SLC66A1: variants seen among roughly 807,000 people sequenced by gnomAD.
The protein encoded by SLC66A1 is solute carrier family 66 member 1.
Under a neutral mutation model 33.0 loss-of-function variants are expected in SLC66A1, and 23 were observed. The observed-to-expected ratio is 0.70, with a 90% CI of 0.50 to 0.99. The LOEUF (loss-of-function observed/expected upper bound fraction) is 0.99, where lower values mean the gene tolerates loss of function less well. Among genes scored for constraint, SLC66A1 ranks in the 50% least tolerant of loss-of-function variants. The probability of loss-of-function intolerance (pLI) is 0.00; values close to 1 mark genes in which losing one functional copy is unlikely to be tolerated. For missense variants in SLC66A1, 335 were observed against 383.6 expected, an observed-to-expected ratio of 0.87 and a Z score of 1.06; for synonymous variants, 164 against 175.5, an observed-to-expected ratio of 0.93 and a Z score of 0.52.
chr1:19,313,297 C>G, intron 1 of SLC66A1: 1 of 942,564 alleles, frequency 1.1e-6, no homozygotes, highest in Non-Finnish European at 1.3e-6. Flanking sequence ...CCTTTCCTTC[C>G]TCTTCTCTCT....
At chr1:19,319,899 G>A (rs573719815) in intron 2 of SLC66A1, among the ~76,000 whole-genome samples, 15 of 149,280 alleles carry the variant, frequency 1.0e-4, no homozygotes, top group African/African-American at 2.7e-4. Context: ...GAGAGTCTCC[G>A]TCTCTTTTCT....
In SLC66A1 at chr1:19,312,908, A is replaced by G. The variant is rs1352169239; in HGVS notation, c.-79+19A>G. ...GCTTAGGGTAGGTTTCCAAACGTGT[A>G]AATGGAGAGTCTGAGTCTGGAAGTG... On this transcript the variant is annotated intron_variant, in intron 1 of 7. Coordinates refer to ENST00000375153, the MANE Select transcript of SLC66A1 (RefSeq NM_001040125.2). 1 of 152,826 alleles carries G rather than the reference A, an allele frequency of 6.5e-6. No individual in the cohort carries two copies. Among genetic ancestry groups the G allele is most frequent in the African/African-American group, 2.4e-5 (1 of 41,472 alleles). 9.5% of individuals were successfully genotyped at this position (152,826 alleles called of 1,614,324 possible). A position where few individuals can be genotyped will look rare whatever the true frequency, so the allele number is the denominator to read the frequency against.
At chr1:19,320,106 G>T (rs113747701) in intron 2 of SLC66A1, among the ~76,000 whole-genome samples, 2,806 of 151,734 alleles carry the variant, frequency 0.018, 91 homozygotes, top group African/African-American at 0.064. Context: ...TCACCATGTT[G>T]CCCAGGCTGG....
intron 1 of SLC66A1, chr1:19,313,247 C>T: frequency 3.0e-6 from 3 of 985,382 alleles, no homozygotes; most frequent in Non-Finnish European, 3.6e-6. Flanking sequence ...CTCCTCAACC[C>T]TGGGCTGTTC....
At chr1:19,327,726 G>T in intron 7 of SLC66A1, 1 of 527,438 alleles carries the variant, frequency 1.9e-6, no homozygotes. Flanking sequence ...GTGGCACCAA[G>T]TGCTGCAGAG....
intron 2 of SLC66A1, among the ~76,000 whole-genome samples, chr1:19,319,214 G>T (rs1243398292): frequency 1.3e-5 from 2 of 152,222 alleles, no homozygotes; most frequent in Non-Finnish European, 2.9e-5. Context: ...TTGTGTAACT[G>T]TCACCACAAC....
Position 19,327,242 on chromosome 1 carries a change from A to G in SLC66A1, c.634A>G (p.Thr212Ala). The change falls in exon 7 of 8, where the codon ACC becomes GCC. Residue 212 changes from threonine to alanine, a missense_variant. Transcript: ENST00000375153. The stretch of plus-strand genomic sequence containing the variant: ...CCTGCCCCAGTTCCTCCGGAAGTCC[A>G]CCCAGGGGATCTCCTACTCTCTGTT... Reference protein sequence around the residue: ...QIRTNFLRKSTQGISYSLFAL... With the variant: ...QIRTNFLRKSAQGISYSLFAL... The G allele has an allele frequency of 6.2e-7, 1 of 1,613,548 alleles. No homozygotes were observed. The highest frequency in any genetic ancestry group is 1.1e-5 in the South Asian group (1 of 91,060).
chr1:19,332,383 C>A (rs6426791), downstream of SLC66A1, among the ~76,000 whole-genome samples: 6,483 of 152,272 alleles, frequency 0.043, 459 homozygotes, highest in African/African-American at 0.14. Context: ...GCACCTGGCA[C>A]ACAGTAAGTG....
At chr1:19,313,266 A>G (rs1056611005) in intron 1 of SLC66A1, 1 of 984,912 alleles carries the variant, frequency 1.0e-6, no homozygotes, top group Non-Finnish European at 1.2e-6. Context: ...TCGAGCTCAC[A>G]GCTTTCTCCC....
chr1:19,319,622 G>GTTTTTTTTTTTTTTTTTTTT (rs2093824205), intron 2 of SLC66A1, among the ~76,000 whole-genome samples: 9 of 23,344 alleles, frequency 3.9e-4, no homozygotes, highest in African/African-American at 1.8e-3. Flanking sequence ...TTTTTTTTTT[G>GTTTTTTTTTTTTTTTTTTTT]CCTGGTGCAG....
In SLC66A1 at chr1:19,317,603, C is replaced by T. The variant is rs1382369702; in HGVS notation, c.-75C>T. 6.4e-7 allele frequency: 1 copy of T among 1,570,118 alleles called. No individual in the cohort carries two copies. The highest frequency in any genetic ancestry group is 1.8e-5 in the Admixed American group (1 of 55,292). ...CCTCCTCCCTTCCTCCCTGTAGAAC[C>T]CTTGCTGGCCTCAGAACACCAGCGC... On this transcript the variant is annotated 5_prime_UTR_variant, in exon 2 of 8. Coordinates refer to ENST00000375153, the MANE Select transcript of SLC66A1 (RefSeq NM_001040125.2).
chr1:19,327,495 C>G (rs1372762376), intron 7 of SLC66A1, 83 bp downstream of exon 7: 1 of 1,464,224 alleles, frequency 6.8e-7, no homozygotes, highest in African/African-American at 1.4e-5. Context: ...ACTCATCCGT[C>G]TCTTCCTCCC....
intron 2 of SLC66A1, among the ~76,000 whole-genome samples, chr1:19,320,414 T>G (rs1394793804): frequency 1.6e-5 from 1 of 63,470 alleles, no homozygotes; most frequent in African/African-American, 5.6e-5. Context: ...TGGCCTGTCT[T>G]TTTTTTTTTT....
In SLC66A1 at chr1:19,324,796, CT is replaced by C. The variant is rs759090166; in HGVS notation, c.294+35del. 5.8e-5 allele frequency: 93 copies of C among 1,610,854 alleles called. No individual in the cohort carries two copies. The South Asian group carries it at 6.6e-4, about 11-fold the overall frequency. ...GTACCCGGGCAAGGTGGCGCTACCC[CT>C]AACCCTGCTTCACCCTGCAGGGTTG... On this transcript the variant is annotated intron_variant, in intron 3 of 7. Transcript: ENST00000375153.
chr1:19,323,685 G>A (rs1027037704), intron 2 of SLC66A1, among the ~76,000 whole-genome samples: 1 of 142,322 alleles, frequency 7.0e-6, no homozygotes, highest in Non-Finnish European at 1.6e-5. Context: ...GGGATTGCAG[G>A]TGTGAGCCAA....
Position 19,326,510 on chromosome 1 carries a change from G to A in SLC66A1, c.526-21G>A, listed in dbSNP as rs192595354. 321 of 1,614,182 alleles carry A rather than the reference G, an allele frequency of 2.0e-4. 2 individuals are homozygous for A. In the African/African-American group the frequency reaches 4.0e-3, roughly 20 times the overall value. ...ACCTCTGGCTCCTACGAGACACCAA[G>A]TGCCCCCTTCTGCCCCACAGCCCTT... On this transcript the variant is annotated intron_variant, in intron 5 of 7. Transcript: ENST00000375153.
chr1:19,334,000 G>A (rs1395117761), downstream of SLC66A1, among the ~76,000 whole-genome samples: 2 of 152,202 alleles, frequency 1.3e-5, no homozygotes. This position sits in a 1 kb window ranked among gnomAD's most constrained non-coding sequence, Gnocchi z 4.2. Flanking sequence ...ACCTTCCACC[G>A]TGGATTAACT....
intron 1 of SLC66A1, among the ~76,000 whole-genome samples, chr1:19,316,913 C>CTTTTTT (rs759496425): frequency 6.3e-4 from 45 of 71,468 alleles, no homozygotes; most frequent in Admixed American, 8.9e-4. Flanking sequence ...TCTGTCACCT[C>CTTTTTT]TTTTTTTTTT....
chr1:19,320,790 G>A (rs2093832889), intron 2 of SLC66A1, among the ~76,000 whole-genome samples: 2 of 148,612 alleles, frequency 1.3e-5, no homozygotes, highest in Non-Finnish European at 3.0e-5. Flanking sequence ...TTGGCTCACT[G>A]TAACCTCTGC....
Sources: allele counts gnomAD v4.1 joint callset (sites outside exome capture counted in the v4.1 genomes callset), GRCh38; gene constraint gnomAD v4.1.1; non-coding constraint Gnocchi (gnomAD v3.1); transcripts MANE v1.5; gene names NCBI Gene and HGNC (gene_info 2026-07-23, HGNC 2026-07-21).